IMMP2L: variants seen among roughly 807,000 people sequenced by gnomAD.
IMMP2L encodes the protein inner mitochondrial membrane peptidase subunit 2, also known as mitochondrial inner membrane protease subunit 2.
Under a neutral mutation model 19.3 loss-of-function variants are expected in IMMP2L, and 18 were observed. The ratio of observed to expected loss-of-function variants is 0.93; its 90% confidence interval spans 0.64 to 1.38. The LOEUF is 1.38. IMMP2L is among the 40% of genes most tolerant of loss of function. The pLI is 0.00. For synonymous variants in IMMP2L, 76 were observed against 73.0 expected (o/e 1.04, Z -0.21); for missense variants, 233 against 218.2 (o/e 1.07, Z -0.43).
intron 5 of IMMP2L, among the ~76,000 whole-genome samples, chr7:110,737,061 C>G (rs1184927654): frequency 6.6e-6 from 1 of 152,148 alleles, no homozygotes; most frequent in Non-Finnish European, 1.5e-5. Flanking sequence ...AGATAGGAGG[C>G]AGGACTAGCT....
intron 5 of IMMP2L, among the ~76,000 whole-genome samples, chr7:110,677,227 G>A (rs1323728869): frequency 6.7e-6 from 1 of 149,204 alleles, no homozygotes; most frequent in Non-Finnish European, 1.5e-5. Flanking sequence ...CAGATGCATG[G>A]TTTAAGTAAA....
At chr7:111,393,810 C>T (rs1380526381) in intron 3 of IMMP2L, among the ~76,000 whole-genome samples, 1 of 152,114 alleles carries the variant, frequency 6.6e-6, no homozygotes, top group East Asian at 1.9e-4. Flanking sequence ...TGAAGATATG[C>T]AGACCCCTCC....
intron 5 of IMMP2L, among the ~76,000 whole-genome samples, chr7:110,876,912 A>G (rs181868436): frequency 2.1e-4 from 32 of 152,224 alleles, no homozygotes; most frequent in Middle Eastern, 3.4e-3. Flanking sequence ...CTTTCCTATT[A>G]ACAGCCAGAC....
intron 3 of IMMP2L, among the ~76,000 whole-genome samples, chr7:111,254,245 T>A (rs1051048667): frequency 2.0e-5 from 3 of 152,016 alleles, no homozygotes; most frequent in Non-Finnish European, 4.4e-5. Context: ...TTGTTTTGTT[T>A]TGTTTTGTTC....
chr7:110,665,602 A>T (rs776944714), intron 5 of IMMP2L, among the ~76,000 whole-genome samples: 8 of 152,170 alleles, frequency 5.3e-5, no homozygotes, highest in Non-Finnish European at 8.8e-5. Flanking sequence ...ATTTCTTTTA[A>T]TCTGGAGTCC....
At chr7:111,499,591 A>C (rs981657951) in intron 2 of IMMP2L, among the ~76,000 whole-genome samples, 6 of 152,176 alleles carry the variant, frequency 3.9e-5, no homozygotes, top group Non-Finnish European at 7.4e-5. Flanking sequence ...GAAAGACAGA[A>C]AGAAGATAAC....
chr7:111,196,648 A>C (rs1421777365), intron 3 of IMMP2L, among the ~76,000 whole-genome samples: 1 of 152,204 alleles, frequency 6.6e-6, no homozygotes, highest in Non-Finnish European at 1.5e-5. Context: ...ACTTTCACGA[A>C]ATAGGAAATG....
intron 3 of IMMP2L, among the ~76,000 whole-genome samples, chr7:111,374,597 T>C (rs1159370622): frequency 5.3e-5 from 8 of 152,066 alleles, no homozygotes; most frequent in African/African-American, 1.7e-4. Context: ...TTTTTCACAG[T>C]ATAAAGGGGA....
At chr7:111,488,674 T>C (rs1585315140) in intron 2 of IMMP2L, among the ~76,000 whole-genome samples, 2 of 152,148 alleles carry the variant, frequency 1.3e-5, no homozygotes, top group East Asian at 1.9e-4. Context: ...TAATGAGTTA[T>C]TTTTTCATAT....
At chr7:110,843,096 A>C (rs1327112931) in intron 5 of IMMP2L, among the ~76,000 whole-genome samples, 1 of 150,270 alleles carries the variant, frequency 6.7e-6, no homozygotes, top group Non-Finnish European at 1.5e-5. Context: ...TCTAAAACTC[A>C]ATCTTTATGA....
chr7:111,355,774 AACAT>A (rs1183156641), intron 3 of IMMP2L, among the ~76,000 whole-genome samples: 1 of 151,924 alleles, frequency 6.6e-6, no homozygotes, highest in African/African-American at 2.4e-5. Context: ...AACTAAGGAG[AACAT>A]ACAATTAGTC....
intron 3 of IMMP2L, among the ~76,000 whole-genome samples, chr7:111,322,532 G>C (rs1029308647): frequency 3.3e-5 from 5 of 151,484 alleles, no homozygotes; most frequent in Admixed American, 6.6e-5. Context: ...AACAATGGTA[G>C]AGAAATCTCC....
intron 3 of IMMP2L, among the ~76,000 whole-genome samples, chr7:111,335,823 G>C (rs1167551771): frequency 6.6e-6 from 1 of 152,026 alleles, no homozygotes; most frequent in African/African-American, 2.4e-5. Context: ...AAAACAGCAG[G>C]AAAGTATATA....
At chr7:111,120,586 T>C (rs912420524) in intron 3 of IMMP2L, among the ~76,000 whole-genome samples, 9 of 152,154 alleles carry the variant, frequency 5.9e-5, no homozygotes, top group African/African-American at 2.2e-4. Context: ...GTTTTTTCAT[T>C]GTTAGTAATG....
chr7:111,150,923 C>G (rs1279771685), intron 3 of IMMP2L, among the ~76,000 whole-genome samples: 1 of 152,132 alleles, frequency 6.6e-6, no homozygotes, highest in Admixed American at 6.5e-5. Context: ...TTCCTGATGC[C>G]TGGAGAGATT....
rs532437354 is a variant in IMMP2L at position 110,712,544 on chromosome 7, C to G, written c.409-48823G>C. On this transcript the variant is annotated intron_variant, in intron 5 of 5. Transcript: ENST00000405709. The stretch of plus-strand genomic sequence containing the variant: ...GAGCTGTGGTGGGCTCCACCCAGTT[C>G]GAGCTTCCCGGCTGCTTTGTTTACC... 1.1e-3 allele frequency among the ~76,000 whole-genome samples: 29 copies of G among 26,344 alleles called. 5 individuals carry two copies. The South Asian group carries it at 0.024, about 22-fold the overall frequency. The allele number at this position is 26,344 out of a possible 152,430, so 17.3% of individuals were successfully genotyped here. A position where few individuals can be genotyped will look rare whatever the true frequency, so the allele number is the denominator to read the frequency against.
At chr7:110,702,925 A>T (rs1360628912) in intron 5 of IMMP2L, among the ~76,000 whole-genome samples, 1 of 152,066 alleles carries the variant, frequency 6.6e-6, no homozygotes, top group Non-Finnish European at 1.5e-5. Flanking sequence ...ACGGTCTAAA[A>T]CCTTCAGTAC....
intron 1 of IMMP2L, among the ~76,000 whole-genome samples, chr7:111,545,621 G>C (rs1848859756): frequency 6.6e-6 from 1 of 152,012 alleles, no homozygotes; most frequent in Non-Finnish European, 1.5e-5. Flanking sequence ...CCTGAACTCA[G>C]GTGATCCACC....
chr7:111,482,375 T>A (rs1174002558), intron 3 of IMMP2L, among the ~76,000 whole-genome samples: 2 of 152,136 alleles, frequency 1.3e-5, no homozygotes, highest in Non-Finnish European at 2.9e-5. Flanking sequence ...CAATGAGAAT[T>A]CCCTCACACC....
Sources: allele counts gnomAD v4.1 joint callset (sites outside exome capture counted in the v4.1 genomes callset), GRCh38; gene constraint gnomAD v4.1.1; transcripts MANE v1.5; gene names NCBI Gene and HGNC (gene_info 2026-07-23, HGNC 2026-07-21).